GALNT16: variants seen among roughly 807,000 people sequenced by gnomAD.
GALNT16 encodes the protein polypeptide N-acetylgalactosaminyltransferase 16, also known as UDP-GalNAc:polypeptide N-acetylgalactosaminyltransferase-like protein 1.
Under a neutral mutation model 76.1 loss-of-function variants are expected in GALNT16, and 40 were observed. The ratio of observed to expected loss-of-function variants is 0.53; its 90% CI spans 0.41 to 0.68. GALNT16 has a LOEUF of 0.68. Ranked by LOEUF, GALNT16 falls within the 30% of genes least tolerant of loss-of-function variation. The pLI, the probability that GALNT16 is intolerant of heterozygous loss-of-function variation, is 0.00. For synonymous variants in GALNT16, 276 were observed against 285.2 expected, an observed-to-expected ratio of 0.97 and a Z score of 0.32; for missense variants, 621 against 731.9, an observed-to-expected ratio of 0.85 and a Z score of 1.75.
intron 1 of GALNT16, among the ~76,000 whole-genome samples, chr14:69,311,310 C>G (rs145587850): frequency 6.6e-6 from 1 of 152,322 alleles, no homozygotes; most frequent in Admixed American, 6.5e-5. Flanking sequence ...TGAACTCTCT[C>G]TGAAGCCTCT....
intron 1 of GALNT16, among the ~76,000 whole-genome samples, chr14:69,274,482 G>A (rs1317437733): frequency 6.6e-6 from 1 of 152,122 alleles, no homozygotes; most frequent in African/African-American, 2.4e-5. Flanking sequence ...TTATCTAAAG[G>A]ACTGAAGGTG....
chr14:69,269,115 G>A (rs954645443), intron 1 of GALNT16, among the ~76,000 whole-genome samples: 2 of 152,200 alleles, frequency 1.3e-5, no homozygotes, highest in African/African-American at 4.8e-5. Flanking sequence ...AGTTGTTAGT[G>A]TTGGTTCTTT....
At chr14:69,322,925 G>GGGGGGGTGT (rs797021875) in intron 2 of GALNT16, among the ~76,000 whole-genome samples, 2 of 103,780 alleles carry the variant, frequency 1.9e-5, no homozygotes, top group African/African-American at 7.8e-5. Flanking sequence ...TGGCTCACGG[G>GGGGGGGTGT]GTGTGTGTGT....
intron 1 of GALNT16, among the ~76,000 whole-genome samples, chr14:69,305,256 C>T (rs2044916483): frequency 6.7e-6 from 1 of 148,212 alleles, no homozygotes; most frequent in South Asian, 2.2e-4. Flanking sequence ...CTCTGCCTCC[C>T]CAGTTCAAGT....
At chr14:69,342,694 A>G (rs1465860041) in intron 12 of GALNT16, among the ~76,000 whole-genome samples, 1 of 152,176 alleles carries the variant, frequency 6.6e-6, no homozygotes, top group Admixed American at 6.5e-5. Flanking sequence ...CAAAATGCAA[A>G]TGATGTGTGC....
chr14:69,326,715 A>G (rs1196848798), intron 5 of GALNT16, among the ~76,000 whole-genome samples: 3 of 152,218 alleles, frequency 2.0e-5, no homozygotes, highest in Non-Finnish European at 4.4e-5. Context: ...CATGCGCAAT[A>G]CTAACAGCCC....
At chr14:69,363,117 C>T in the GALNT16 span, among the ~76,000 whole-genome samples, 1 of 152,294 alleles carries the variant, frequency 6.6e-6, no homozygotes, top group African/African-American at 2.4e-5. Context: ...GCTGTCCCAC[C>T]GTTGTCTGCA....
chr14:69,300,802 C>T (rs1244010696), intron 1 of GALNT16, among the ~76,000 whole-genome samples: 1 of 152,132 alleles, frequency 6.6e-6, no homozygotes, highest in Non-Finnish European at 1.5e-5. Context: ...CCTGTTCCTA[C>T]CCCCACACTC....
the GALNT16 span, among the ~76,000 whole-genome samples, chr14:69,384,702 T>G: frequency 1.4e-4 from 20 of 146,052 alleles, no homozygotes; most frequent in Admixed American, 2.7e-4. Context: ...AAGCTATTCC[T>G]CAAATAACAA....
chr14:69,268,157 A>G (rs2140100611), intron 1 of GALNT16, among the ~76,000 whole-genome samples: 1 of 152,344 alleles, frequency 6.6e-6, no homozygotes, highest in Admixed American at 6.5e-5. Context: ...GCATGTATGC[A>G]GAAGTGTCTA....
chr14:69,315,639 G>A (rs539990093), intron 1 of GALNT16, among the ~76,000 whole-genome samples: 1 of 152,350 alleles, frequency 6.6e-6, no homozygotes, highest in East Asian at 1.9e-4. Flanking sequence ...TTGGAATGGA[G>A]TGTTGACACC....
intron 5 of GALNT16, 68 bp from the exon 6 acceptor site, chr14:69,328,382 C>A (rs2045311092): frequency 6.5e-7 from 1 of 1,550,294 alleles, no homozygotes; most frequent in Admixed American, 1.8e-5. Flanking sequence ...AGCCTTGGGA[C>A]TTTGGGGGAC....
chr14:69,287,353 C>T (rs1333865373), intron 1 of GALNT16, among the ~76,000 whole-genome samples: 1 of 152,228 alleles, frequency 6.6e-6, no homozygotes, highest in Non-Finnish European at 1.5e-5. Context: ...GCCAGATGCT[C>T]AGTAAGTGTT....
intron 1 of GALNT16, among the ~76,000 whole-genome samples, chr14:69,289,941 G>C (rs1475190940): frequency 6.6e-6 from 1 of 152,148 alleles, no homozygotes; most frequent in East Asian, 1.9e-4. Flanking sequence ...GTTTCACCGT[G>C]TTGCCCAGGG....
chr14:69,324,701 T>C lies in GALNT16; in HGVS notation c.345T>C (p.Ser115=). 1 of 1,607,252 alleles carries C rather than the reference T, an allele frequency of 6.2e-7. No individual in the cohort carries two copies. Among genetic ancestry groups the C allele is most frequent in the East Asian group, 2.2e-5 (1 of 44,776 alleles). The change falls in exon 3 of 15, where the codon TCT becomes TCC. Residue 115 remains serine, a synonymous_variant. Transcript: ENST00000448469. ...IRDTRHYSCP[S]VSYSSDLPAT... ...TGTGCTCCCTTCTCAGCTGCCCATC[T>C]GTGTCCTACTCCTCGGACCTGCCAG...
chr14:69,268,096 G>A (rs1357873219), intron 1 of GALNT16, among the ~76,000 whole-genome samples: 4 of 152,064 alleles, frequency 2.6e-5, no homozygotes, highest in African/African-American at 4.8e-5. Context: ...CTCCCTGCCC[G>A]CTGTACTAGA....
chr14:69,325,498 C>G, intron 4 of GALNT16, 94 bp downstream of exon 4: 1 of 801,246 alleles, frequency 1.2e-6, no homozygotes, highest in South Asian at 1.4e-5. Context: ...TTGTCCTGAC[C>G]ATCGCAGACA....
intron 1 of GALNT16, among the ~76,000 whole-genome samples, chr14:69,313,576 G>A (rs1350025349): frequency 6.6e-6 from 1 of 152,250 alleles, no homozygotes; most frequent in Non-Finnish European, 1.5e-5. Context: ...AAGGCCACAG[G>A]AACTCTTTCT....
intron 1 of GALNT16, among the ~76,000 whole-genome samples, chr14:69,311,859 A>G (rs2045025017): frequency 6.6e-6 from 1 of 152,086 alleles, no homozygotes; most frequent in Non-Finnish European, 1.5e-5. Context: ...CAATAGTCAC[A>G]CTATAAGTGT....
Sources: gnomAD v4.1 joint callset for allele counts (sites outside exome capture counted in the v4.1 genomes callset) on GRCh38, gnomAD v4.1.1 for gene constraint, MANE v1.5 for transcripts, NCBI Gene and HGNC (gene_info 2026-07-23, HGNC 2026-07-21) for gene names.